AKT3: variants seen among roughly 807,000 people sequenced by gnomAD.
AKT3 encodes the protein RAC-gamma serine/threonine-protein kinase.
In AKT3, 15 loss-of-function variants were observed where a neutral mutation model predicts 65.3. The ratio of observed to expected loss-of-function variants is 0.23; its 90% CI spans 0.15 to 0.35. The LOEUF (loss-of-function observed/expected upper bound fraction) is 0.35, where lower values mean the gene tolerates loss of function less well. Among genes scored for constraint, AKT3 ranks in the 10% least tolerant of loss-of-function variants. The pLI is 1.00. For missense variants in AKT3, 243 were observed against 576.5 expected (o/e 0.42, Z 5.92); for synonymous variants, 206 against 183.8 (o/e 1.12, Z -0.98).
At chr1:243,812,716 C>A (rs1377968691) in intron 2 of AKT3, among the ~76,000 whole-genome samples, 1 of 152,110 alleles carries the variant, frequency 6.6e-6, no homozygotes, top group Admixed American at 6.5e-5. Context: ...AAGACACATG[C>A]ACACGTATGT....
intron 6 of AKT3, among the ~76,000 whole-genome samples, chr1:243,617,518 G>A (rs2148613449): frequency 6.6e-6 from 1 of 152,178 alleles, no homozygotes; most frequent in African/African-American, 2.4e-5. Context: ...AGAGTTCATA[G>A]GCTAGTGGAA....
intron 2 of AKT3, among the ~76,000 whole-genome samples, chr1:243,733,043 T>C (rs1687651710): frequency 6.6e-6 from 1 of 152,240 alleles, no homozygotes; most frequent in Admixed American, 6.5e-5. Context: ...GCAATTACTA[T>C]AATTAGCTGC....
At chr1:243,783,037 G>A (rs1691011426) in intron 2 of AKT3, among the ~76,000 whole-genome samples, 1 of 152,132 alleles carries the variant, frequency 6.6e-6, no homozygotes. Flanking sequence ...CTGAGTAATA[G>A]GAGTGATAAA....
chr1:243,784,063 CAAAT>C (rs1305068495), intron 2 of AKT3, among the ~76,000 whole-genome samples: 2 of 151,818 alleles, frequency 1.3e-5, no homozygotes, highest in Non-Finnish European at 2.9e-5. Context: ...AAAATATAAA[CAAAT>C]AAAAAAGATG....
At chr1:243,719,254 G>GC (rs895859577) in intron 2 of AKT3, among the ~76,000 whole-genome samples, 1 of 151,982 alleles carries the variant, frequency 6.6e-6, no homozygotes, top group Non-Finnish European at 1.5e-5. Flanking sequence ...ATTTCATAAT[G>GC]CCCCCCTACT....
At chr1:243,688,591 G>A (rs1684489371) in intron 3 of AKT3, among the ~76,000 whole-genome samples, 1 of 152,158 alleles carries the variant, frequency 6.6e-6, no homozygotes, top group Non-Finnish European at 1.5e-5. Flanking sequence ...AGGAAGTGAT[G>A]AAGCACTGAG....
chr1:243,843,463 G>A (rs1695371856), intron 1 of AKT3, 181 bp from the exon 2 acceptor site: 1 of 1,082,034 alleles, frequency 9.2e-7, no homozygotes, highest in African/African-American at 1.6e-5. Context: ...CCCTAGTCTT[G>A]TGACCAATTT....
chr1:243,529,148 CT>C (rs1057499486), intron 12 of AKT3, among the ~76,000 whole-genome samples: 10,001 of 128,170 alleles, frequency 0.078, 484 homozygotes, highest in African/African-American at 0.2. Flanking sequence ...TGTAATGGAG[CT>C]TTTTTTTTTT....
At chr1:243,759,321 C>T (rs977370645) in intron 2 of AKT3, among the ~76,000 whole-genome samples, 1 of 141,040 alleles carries the variant, frequency 7.1e-6, no homozygotes, top group Non-Finnish European at 1.6e-5. Flanking sequence ...CCCTGTCTCA[C>T]CAAAAAATAA....
intron 12 of AKT3, among the ~76,000 whole-genome samples, chr1:243,533,641 C>T (rs139988952): frequency 1.4e-3 from 211 of 152,132 alleles, no homozygotes; most frequent in African/African-American, 5.0e-3. Flanking sequence ...CCAGAGAAGG[C>T]AGAATAAAAA....
At chr1:243,538,594 T>C (rs1212429360) in intron 12 of AKT3, among the ~76,000 whole-genome samples, 2 of 152,118 alleles carry the variant, frequency 1.3e-5, no homozygotes, top group Non-Finnish European at 2.9e-5. Flanking sequence ...TGGGAAAAGA[T>C]ATATTACACA....
chr1:243,648,850 T>C (rs1008133454), intron 4 of AKT3, among the ~76,000 whole-genome samples: 3 of 152,136 alleles, frequency 2.0e-5, no homozygotes, highest in Non-Finnish European at 4.4e-5. Context: ...ATTCTATTAA[T>C]TTTTTTCAAA....
chr1:243,517,357 T>C (rs1213117197), intron 12 of AKT3, among the ~76,000 whole-genome samples: 2 of 152,246 alleles, frequency 1.3e-5, no homozygotes, highest in African/African-American at 2.4e-5. Context: ...AGTTGCTATA[T>C]AACCTTACCA....
At chr1:243,563,465 T>C (rs1436317045) in intron 10 of AKT3, among the ~76,000 whole-genome samples, 1 of 152,158 alleles carries the variant, frequency 6.6e-6, no homozygotes, top group East Asian at 1.9e-4. Flanking sequence ...ATAAAATGGA[T>C]ATGGCCAAGA....
chr1:243,509,693 C>A (rs1669901868), intron 13 of AKT3, among the ~76,000 whole-genome samples: 1 of 152,086 alleles, frequency 6.6e-6, no homozygotes, highest in African/African-American at 2.4e-5. Flanking sequence ...GACTGGCCCA[C>A]AGCATACAGT....
At chr1:243,714,561 A>C (rs1333224463) in intron 2 of AKT3, among the ~76,000 whole-genome samples, 1 of 152,210 alleles carries the variant, frequency 6.6e-6, no homozygotes, top group Admixed American at 6.5e-5. Flanking sequence ...CCTCATATAC[A>C]TCAGTAAACC....
chr1:243,814,619 T>G (rs1028942600), intron 2 of AKT3: 1 of 152,230 alleles, frequency 6.6e-6, no homozygotes, highest in Non-Finnish European at 1.5e-5. Context: ...ATTTTTACTC[T>G]GCATCAAATG....
In AKT3 at chr1:243,499,898, G is replaced by C; in HGVS notation, c.*5351C>G. The C allele has an allele frequency of 2.0e-6, 2 of 989,042 alleles. No individual in the cohort carries two copies. Among genetic ancestry groups the C allele is most frequent in the Non-Finnish European group, 3.2e-6 (2 of 634,706 alleles). 61.3% of individuals were successfully genotyped at this position (989,042 alleles called of 1,614,324 possible). ...ACCTTCCCAGGGTGACACCGCCTCA[G>C]CCTGCAGTGGGGCTGGTCCTCATCA... On this transcript the variant is annotated 3_prime_UTR_variant, in exon 14 of 14. Transcript: ENST00000673466.
At chr1:243,511,934 G>A (rs1039681921) in intron 13 of AKT3, among the ~76,000 whole-genome samples, 1 of 152,208 alleles carries the variant, frequency 6.6e-6, no homozygotes, top group Non-Finnish European at 1.5e-5. Context: ...GTAAGTAGGA[G>A]ACCAAAACTG....
Sources: gnomAD v4.1 joint callset for allele counts (sites outside exome capture counted in the v4.1 genomes callset) on GRCh38, gnomAD v4.1.1 for gene constraint, MANE v1.5 for transcripts, NCBI Gene and HGNC (gene_info 2026-07-23, HGNC 2026-07-21) for gene names.